The following YAP1 variants were observed in gnomAD, a reference collection of about 807,000 sequenced individuals.
YAP1 encodes transcriptional coactivator YAP1.
YAP1 carries 5 observed loss-of-function variants against 56.9 expected under a neutral mutation model. That is an observed-to-expected ratio of 0.09 (90% confidence interval 0.05 to 0.18). The LOEUF (loss-of-function observed/expected upper bound fraction) is 0.18, where lower values mean the gene tolerates loss of function less well. Among genes scored for constraint, YAP1 ranks in the 10% least tolerant of loss-of-function variants. YAP1 has a pLI of 1.00. For missense variants in YAP1, 539 were observed against 651.8 expected (o/e 0.83, Z 1.88); for synonymous variants, 265 against 248.1 (o/e 1.07, Z -0.64).
At chr11:102,227,132 G>T (rs937529139) in intron 7 of YAP1, 24 of 221,102 alleles carry the variant, frequency 1.1e-4, no homozygotes, top group Non-Finnish European at 3.6e-5. Flanking sequence ...TGATATTACA[G>T]AGAGGAGAAT....
Position 102,137,839 on chromosome 11 carries a change from T to C in YAP1, c.572+23445T>C, listed in dbSNP as rs556103830. On this transcript the variant is annotated intron_variant, in intron 2 of 8. Coordinates refer to ENST00000282441, the MANE Select transcript of YAP1 (RefSeq NM_001130145.3). ...CTAAAAGTGTTTACAACACAGCTTA[T>C]AATTAACTGATTTTTGGAGAGGTGG... Among the ~76,000 whole-genome samples, 36 of 152,034 alleles carry C rather than the reference T, an allele frequency of 2.4e-4. 1 individual carries two copies. In the East Asian group the frequency reaches 6.8e-3, roughly 29 times the overall value.
chr11:102,141,066 G>A (rs529855335), intron 2 of YAP1, among the ~76,000 whole-genome samples: 111 of 152,138 alleles, frequency 7.3e-4, no homozygotes, highest in African/African-American at 2.4e-3. Context: ...CATCTTTTCC[G>A]GAACGATTTA....
chr11:102,203,542 G>T (rs940941554), intron 4 of YAP1, among the ~76,000 whole-genome samples: 5 of 152,048 alleles, frequency 3.3e-5, no homozygotes, highest in Non-Finnish European at 7.4e-5. Context: ...AATAATTGGC[G>T]CTGAAAAGTA....
At chr11:102,172,475 CGTTTTTT>C (rs1946969741) in intron 3 of YAP1, among the ~76,000 whole-genome samples, 1 of 106,214 alleles carries the variant, frequency 9.4e-6, no homozygotes, top group South Asian at 3.5e-4. Flanking sequence ...CCATGCACAG[CGTTTTTT>C]TTTTTTTTTT....
At chr11:102,114,504 A>G in intron 2 of YAP1, 110 bp downstream of exon 2, 1 of 1,316,570 alleles carries the variant, frequency 7.6e-7, no homozygotes, top group Non-Finnish European at 1.0e-6. Flanking sequence ...GTTTTATTTA[A>G]TATTTATGTT....
At chr11:102,125,784 C>T (rs1400736135) in intron 2 of YAP1, among the ~76,000 whole-genome samples, 1 of 151,834 alleles carries the variant, frequency 6.6e-6, no homozygotes, top group Non-Finnish European at 1.5e-5. Flanking sequence ...ATAATATCTC[C>T]CTTAGGATAT....
intron 7 of YAP1, among the ~76,000 whole-genome samples, chr11:102,226,575 C>G (rs1426131253): frequency 6.6e-6 from 1 of 152,182 alleles, no homozygotes; most frequent in African/African-American, 2.4e-5. Context: ...GTTAGTAGAA[C>G]TCAGGGAATG....
chr11:102,119,643 A>G (rs1943528572), intron 2 of YAP1, among the ~76,000 whole-genome samples: 1 of 55,356 alleles, frequency 1.8e-5, no homozygotes, highest in South Asian at 3.8e-4. Context: ...TGAAACTTGG[A>G]AAAAAAAAAA....
intron 3 of YAP1, among the ~76,000 whole-genome samples, chr11:102,177,222 T>C (rs140427429): frequency 7.3e-4 from 111 of 152,198 alleles, no homozygotes; most frequent in African/African-American, 2.6e-3. Flanking sequence ...GTTGGATGCT[T>C]TCAGTACCGA....
chr11:102,137,021 A>T (rs1011379759), intron 2 of YAP1, among the ~76,000 whole-genome samples: 1 of 152,242 alleles, frequency 6.6e-6, no homozygotes. Flanking sequence ...AAATTCTGAG[A>T]TTGCAATGAA....
At chr11:102,154,096 A>T (rs2135363444) in intron 2 of YAP1, among the ~76,000 whole-genome samples, 1 of 152,274 alleles carries the variant, frequency 6.6e-6, no homozygotes. Context: ...AAAGGTGATA[A>T]TATATTTCAT....
At chr11:102,193,566 C>T (rs998987725) in intron 4 of YAP1, among the ~76,000 whole-genome samples, 8 of 152,108 alleles carry the variant, frequency 5.3e-5, no homozygotes, top group Non-Finnish European at 7.4e-5. Flanking sequence ...GCTGAGTAGA[C>T]ATATGTTACG....
chr11:102,132,136 G>A (rs1284454969), intron 2 of YAP1, among the ~76,000 whole-genome samples: 1 of 151,988 alleles, frequency 6.6e-6, no homozygotes, highest in Non-Finnish European at 1.5e-5. Flanking sequence ...TAAAAAAAAA[G>A]AGTGATACCG....
chr11:102,116,117 G>A (rs978010901), intron 2 of YAP1, among the ~76,000 whole-genome samples: 2 of 152,100 alleles, frequency 1.3e-5, no homozygotes, highest in South Asian at 4.2e-4. Context: ...TTGGCCTTCC[G>A]TATCTGTGGG....
At chr11:102,117,728 T>C (rs1439017749) in intron 2 of YAP1, among the ~76,000 whole-genome samples, 1 of 152,266 alleles carries the variant, frequency 6.6e-6, no homozygotes, top group Non-Finnish European at 1.5e-5. Flanking sequence ...ATCAGTGGCT[T>C]GTTTTCAAGC....
chr11:102,110,999 G>C lies in YAP1; in HGVS notation c.151G>C (p.Gly51Arg). The change falls in exon 1 of 9, where the codon GGG becomes CGG. Residue 51 changes from glycine (G) to arginine (R), a missense_variant. By Grantham distance (125) the Gly-to-Arg change is moderately radical (BLOSUM62 -2). Coordinates refer to ENST00000282441, the MANE Select transcript of YAP1 (RefSeq NM_001130145.3). ...TQAAPQAPPA[G>R]HQIVHVRGDS... is the part of the protein sequence containing the mutation. ...GGCGGCGCCGCAGGCACCCCCCGCC[G>C]GGCATCAGATCGTGCACGTCCGCGG... is the stretch of plus-strand genomic sequence containing the variant. 6.4e-7 allele frequency: 1 copy of C among 1,568,454 alleles called. No homozygotes were observed. The highest frequency in any genetic ancestry group is 8.6e-7 in the Non-Finnish European group (1 of 1,160,048).
chr11:102,179,178 C>A (rs1390937855), intron 3 of YAP1, among the ~76,000 whole-genome samples: 2 of 152,020 alleles, frequency 1.3e-5, no homozygotes, highest in Non-Finnish European at 2.9e-5. Flanking sequence ...AAAATGCTGG[C>A]CTGTTTCTCT....
intron 2 of YAP1, among the ~76,000 whole-genome samples, chr11:102,116,367 CTG>C (rs1288793833): frequency 1.3e-5 from 2 of 152,146 alleles, no homozygotes; most frequent in East Asian, 1.9e-4. Flanking sequence ...ACCAGAGCCT[CTG>C]TGGATTTTAG....
intron 2 of YAP1, among the ~76,000 whole-genome samples, chr11:102,126,303 C>A (rs997674912): frequency 6.6e-6 from 1 of 152,114 alleles, no homozygotes. Context: ...TTTACTGAAT[C>A]CTTGATATGG....
Sources: gnomAD v4.1 joint callset for allele counts (sites outside exome capture counted in the v4.1 genomes callset) on GRCh38, gnomAD v4.1.1 for gene constraint, MANE v1.5 for transcripts, NCBI Gene and HGNC (gene_info 2026-07-23, HGNC 2026-07-21) for gene names.